The following CDH13 variants were observed in gnomAD, a reference collection of about 807,000 sequenced individuals.
The protein encoded by CDH13 is cadherin 13, also known as cadherin-13.
In CDH13, 24 loss-of-function variants were observed where a neutral mutation model predicts 63.8. The observed-to-expected ratio is 0.38, with a 90% CI of 0.27 to 0.53. The LOEUF (loss-of-function observed/expected upper bound fraction) is 0.53, where lower values mean the gene tolerates loss of function less well. Ranked by LOEUF, CDH13 falls within the 20% of genes least tolerant of loss-of-function variation. CDH13 has a pLI of 0.85. For missense variants in CDH13, 1,049 were observed against 903.1 expected, an observed-to-expected ratio of 1.16 and a Z score of -2.07; for synonymous variants, 503 against 355.3, an observed-to-expected ratio of 1.42 and a Z score of -4.67.
intron 5 of CDH13, among the ~76,000 whole-genome samples, chr16:83,258,429 G>T (rs1357606808): frequency 2.0e-5 from 3 of 152,214 alleles, no homozygotes; most frequent in African/African-American, 7.2e-5. Flanking sequence ...GCCAGCTTCA[G>T]TGACTGGTCT....
chr16:82,812,546 A>T (rs2037500453), intron 1 of CDH13, among the ~76,000 whole-genome samples: 1 of 151,960 alleles, frequency 6.6e-6, no homozygotes, highest in Non-Finnish European at 1.5e-5. Flanking sequence ...AAGAGAGGAG[A>T]GGAGTGAAAC....
chr16:83,763,074 T>C (rs771229663), intron 11 of CDH13, among the ~76,000 whole-genome samples: 7 of 152,178 alleles, frequency 4.6e-5, no homozygotes, highest in Non-Finnish European at 1.0e-4. Flanking sequence ...TCCCCATCTA[T>C]TTCCATTTAA....
intron 2 of CDH13, among the ~76,000 whole-genome samples, chr16:82,948,160 G>C (rs1343129428): frequency 6.6e-6 from 1 of 152,092 alleles, no homozygotes; most frequent in African/African-American, 2.4e-5. Context: ...ACACCATTTT[G>C]ATTCCCAAAG....
Position 83,486,553 on chromosome 16 carries a change from C to T in CDH13, c.858C>T (p.Ile286=). Residue 286 remains isoleucine (I), a synonymous_variant, in exon 7 of 14, where the codon ATC becomes ATT. Coordinates refer to ENST00000567109, the MANE Select transcript of CDH13 (RefSeq NM_001257.5). ...ATAATGCCCTCCTGCGGTATAATAT[C>T]CGTCAGCAGACGCCTGACAAGCCAT... ...ATDNALLRYN[I]RQQTPDKPSP... 6.2e-7 allele frequency: 1 copy of T among 1,613,846 alleles called. No individual in the cohort carries two copies. Among genetic ancestry groups the T allele is most frequent in the African/African-American group, 1.3e-5 (1 of 75,034 alleles).
chr16:83,655,454 G>A (rs1277872098), intron 8 of CDH13, among the ~76,000 whole-genome samples: 4 of 152,198 alleles, frequency 2.6e-5, no homozygotes, highest in East Asian at 3.9e-4. Context: ...GCAGAGGCCC[G>A]AATGGCAAGA....
chr16:83,042,258 C>G (rs1375261812), intron 3 of CDH13, among the ~76,000 whole-genome samples: 3 of 152,234 alleles, frequency 2.0e-5, no homozygotes, highest in Admixed American at 1.3e-4. Context: ...AAAGCTTCAT[C>G]TGTATTTATA....
intron 8 of CDH13, among the ~76,000 whole-genome samples, chr16:83,667,665 T>C (rs549485264): frequency 6.6e-6 from 1 of 152,262 alleles, no homozygotes; most frequent in South Asian, 2.1e-4. Context: ...ATCACAAAAA[T>C]AATTTTTTCT....
chr16:83,105,653 T>G (rs9923171), intron 3 of CDH13, among the ~76,000 whole-genome samples: 2,025 of 151,988 alleles, frequency 0.013, 41 homozygotes, highest in African/African-American at 0.046. Context: ...ATACTACTTA[T>G]TAAAGTTAAA....
intron 5 of CDH13, among the ~76,000 whole-genome samples, chr16:83,338,112 A>G (rs1211194629): frequency 1.3e-5 from 2 of 151,346 alleles, no homozygotes; most frequent in East Asian, 3.9e-4. Flanking sequence ...GATTGTTTTA[A>G]GCCAAATGAG....
chr16:82,990,202 A>G (rs1567723179), intron 2 of CDH13: 1 of 152,190 alleles, frequency 6.6e-6, no homozygotes, highest in Non-Finnish European at 1.5e-5. Context: ...AGAATTCAGC[A>G]TTTTCAAAGT....
chr16:83,067,849 G>C (rs760095908), intron 3 of CDH13, among the ~76,000 whole-genome samples: 1 of 151,998 alleles, frequency 6.6e-6, no homozygotes, highest in Non-Finnish European at 1.5e-5. Flanking sequence ...TCTAGATACC[G>C]GAATGTCTCA....
chr16:83,076,591 T>C (rs1431077987), intron 3 of CDH13, among the ~76,000 whole-genome samples: 1 of 152,134 alleles, frequency 6.6e-6, no homozygotes, highest in African/African-American at 2.4e-5. Flanking sequence ...ACAGTTTACA[T>C]TTGACATTTC....
chr16:83,104,986 T>C (rs1274453662), intron 3 of CDH13, among the ~76,000 whole-genome samples: 4 of 152,216 alleles, frequency 2.6e-5, no homozygotes, highest in Non-Finnish European at 5.9e-5. Flanking sequence ...CCATTCTTTT[T>C]TCTCTCTCTC....
intron 10 of CDH13, among the ~76,000 whole-genome samples, chr16:83,682,167 T>C (rs1915461081): frequency 6.6e-6 from 1 of 152,188 alleles, no homozygotes; most frequent in Non-Finnish European, 1.5e-5. Flanking sequence ...AGAAAAAGAA[T>C]ATGTTGAAAG....
chr16:82,789,944 G>T (rs888049168), intron 1 of CDH13, among the ~76,000 whole-genome samples: 1 of 152,144 alleles, frequency 6.6e-6, no homozygotes, highest in Non-Finnish European at 1.5e-5. Flanking sequence ...CTACAATCCT[G>T]ACATCTTTCT....
In CDH13 at chr16:83,125,461, C is replaced by T; in HGVS notation, c.443C>T (p.Pro148Leu). ...RSIVVSPILI[P>L]ENQRQPFPRD... ...ATTGTGGTATCTCCCATTTTAATTC[C>T]AGAGAATCAGAGACAGCCTTTCCCA... The change falls in exon 4 of 14, where the codon CCA becomes CTA. Residue 148 changes from proline to leucine, a missense_variant. By Grantham distance (98) the Pro-to-Leu change is moderately conservative. Transcript: ENST00000567109. The T allele has an allele frequency of 1.2e-6, 2 of 1,610,138 alleles. No individual in the cohort carries two copies. Among genetic ancestry groups the T allele is most frequent in the Admixed American group, 1.7e-5 (1 of 60,010 alleles).
At chr16:83,551,547 T>C (rs894702469) in intron 7 of CDH13, among the ~76,000 whole-genome samples, 1 of 152,192 alleles carries the variant, frequency 6.6e-6, no homozygotes, top group Non-Finnish European at 1.5e-5. Flanking sequence ...GTGCTGTGTC[T>C]TACGTTTCAA....
intron 2 of CDH13, among the ~76,000 whole-genome samples, chr16:82,921,685 A>G (rs1338998451): frequency 6.6e-6 from 1 of 152,100 alleles, no homozygotes; most frequent in Non-Finnish European, 1.5e-5. Flanking sequence ...TATATTCCTG[A>G]GAGATATTGG....
intron 2 of CDH13, among the ~76,000 whole-genome samples, chr16:82,966,448 A>G (rs1414821577): frequency 2.0e-5 from 3 of 152,152 alleles, no homozygotes; most frequent in East Asian, 3.9e-4. Context: ...CGCCTGGCCT[A>G]TTTTTCCTAT....
Sources: gnomAD v4.1 joint callset for allele counts (sites outside exome capture counted in the v4.1 genomes callset) on GRCh38, gnomAD v4.1.1 for gene constraint, MANE v1.5 for transcripts, NCBI Gene and HGNC (gene_info 2026-07-23, HGNC 2026-07-21) for gene names.